Variants in KCNH5 observed in about 807,000 individuals in gnomAD.
KCNH5 encodes voltage-gated delayed rectifier potassium channel KCNH5.
Under a neutral mutation model 96.1 loss-of-function variants are expected in KCNH5, and 46 were observed. That is an observed-to-expected ratio of 0.48 (90% CI 0.38 to 0.61). KCNH5 has a LOEUF of 0.61. KCNH5 is among the 20% of genes least tolerant of loss of function. The probability of loss-of-function intolerance (pLI) is 0.00; values close to 1 mark genes in which losing one functional copy is unlikely to be tolerated. For synonymous variants in KCNH5, 439 were observed against 449.8 expected, an observed-to-expected ratio of 0.98 and a Z score of 0.30; for missense variants, 907 against 1,225.8, an observed-to-expected ratio of 0.74 and a Z score of 3.88.
intron 6 of KCNH5, among the ~76,000 whole-genome samples, chr14:62,977,430 T>C (rs776938093): frequency 1.3e-5 from 2 of 152,032 alleles, no homozygotes; most frequent in Non-Finnish European, 2.9e-5. Flanking sequence ...GGATGATATA[T>C]TGTGAGAATG....
rs566819242 is a variant in KCNH5 at position 62,840,789 on chromosome 14, C to T, written c.1569+8864G>A. Among the ~76,000 whole-genome samples, 184 of 151,552 alleles carry T rather than the reference C, an allele frequency of 1.2e-3. 2 individuals carry two copies. Among genetic ancestry groups the T allele is most frequent in the Non-Finnish European group, 1.8e-3 (121 of 67,820 alleles). On this transcript the variant is annotated intron_variant, in intron 8 of 10. Transcript: ENST00000322893. ...TTCACCATGTTGTCCAGGATGGTCT[C>T]GCTCCTGACCTCATGATCCACTCAC...
At chr14:62,911,767 T>C (rs1348825693) in intron 7 of KCNH5, among the ~76,000 whole-genome samples, 2 of 151,490 alleles carry the variant, frequency 1.3e-5, no homozygotes, top group Non-Finnish European at 2.9e-5. Context: ...CTGGGCACGG[T>C]GGCTCACACC....
At chr14:62,938,879 G>A (rs993116846) in intron 7 of KCNH5, among the ~76,000 whole-genome samples, 1 of 152,184 alleles carries the variant, frequency 6.6e-6, no homozygotes, top group Non-Finnish European at 1.5e-5. Context: ...TAACACAAAA[G>A]AGAAATTCTA....
intron 9 of KCNH5, among the ~76,000 whole-genome samples, chr14:62,789,755 T>A (rs1886393253): frequency 6.6e-6 from 1 of 151,958 alleles, no homozygotes; most frequent in African/African-American, 2.4e-5. Context: ...TCAGGTTTCT[T>A]GCTCACTTTT....
intron 10 of KCNH5, among the ~76,000 whole-genome samples, chr14:62,742,529 A>ATT (rs1885292304): frequency 6.6e-6 from 1 of 152,196 alleles, no homozygotes; most frequent in African/African-American, 2.4e-5. Context: ...TCCCAAACTA[A>ATT]TTTAAATTAG....
intron 8 of KCNH5, among the ~76,000 whole-genome samples, chr14:62,839,445 C>T (rs771109817): frequency 1.3e-5 from 2 of 152,148 alleles, no homozygotes; most frequent in Non-Finnish European, 2.9e-5. Context: ...TGCAGACTCC[C>T]CTGTGCCATC....
chr14:62,796,414 C>A (rs1210767586), intron 9 of KCNH5, among the ~76,000 whole-genome samples: 1 of 152,144 alleles, frequency 6.6e-6, no homozygotes, highest in Non-Finnish European at 1.5e-5. Flanking sequence ...TTATTCCTGT[C>A]CTCATTTATG....
chr14:63,042,778 C>A (rs888853285), intron 1 of KCNH5, among the ~76,000 whole-genome samples: 1 of 152,046 alleles, frequency 6.6e-6, no homozygotes, highest in Non-Finnish European at 1.5e-5. Flanking sequence ...AATGTGTAGA[C>A]CAATTTAATA....
At chr14:62,936,980 CAAAAAA>C (rs5809179) in intron 7 of KCNH5, among the ~76,000 whole-genome samples, 2 of 62,280 alleles carry the variant, frequency 3.2e-5, no homozygotes, top group East Asian at 5.3e-4. Context: ...GACTCCATCT[CAAAAAA>C]AAAAAAAAAA....
rs888052720 is a variant in KCNH5 at position 62,702,006 on chromosome 14, A to G, written c.*5502T>C. 1 of 152,076 alleles carries G rather than the reference A, an allele frequency of 6.6e-6. No individual in the cohort carries two copies. Among genetic ancestry groups the G allele is most frequent in the African/African-American group, 2.4e-5 (1 of 41,448 alleles). 9.4% of individuals were successfully genotyped at this position (152,076 alleles called of 1,614,324 possible). A position where few individuals can be genotyped will look rare whatever the true frequency, so the allele number is the denominator to read the frequency against. ...GTCAAAAAATAAATTTTAAAAATAAATTCTGGAGTCTCATCCAAATCCCAC... is the reference window on the plus strand; with the variant it reads ...GTCAAAAAATAAATTTTAAAAATAAGTTCTGGAGTCTCATCCAAATCCCAC... On this transcript the variant is annotated 3_prime_UTR_variant, in exon 11 of 11. Coordinates refer to ENST00000322893, the MANE Select transcript of KCNH5 (RefSeq NM_139318.5).
chr14:62,883,636 A>G (rs1888536479), intron 7 of KCNH5, among the ~76,000 whole-genome samples: 1 of 152,166 alleles, frequency 6.6e-6, no homozygotes, highest in Non-Finnish European at 1.5e-5. Flanking sequence ...AATACACAAG[A>G]ATCTATCAAT....
intron 10 of KCNH5, among the ~76,000 whole-genome samples, chr14:62,734,601 C>T (rs956788018): frequency 2.0e-5 from 3 of 152,070 alleles, no homozygotes; most frequent in African/African-American, 7.2e-5. Context: ...CATACACTAG[C>T]ATTATGCCTT....
intron 8 of KCNH5, among the ~76,000 whole-genome samples, chr14:62,813,794 TC>T (rs1407323332): frequency 6.6e-6 from 1 of 152,174 alleles, no homozygotes; most frequent in Non-Finnish European, 1.5e-5. Context: ...TTACAATCCT[TC>T]CTGGGAATGA....
chr14:62,786,304 G>A (rs1234390597), intron 9 of KCNH5, among the ~76,000 whole-genome samples: 1 of 152,194 alleles, frequency 6.6e-6, no homozygotes, highest in African/African-American at 2.4e-5. Flanking sequence ...TACTTAGGTA[G>A]TTTTGTGTGA....
In KCNH5 at chr14:62,950,119, A is replaced by T; in HGVS notation, c.1369+14T>A. 1.2e-6 allele frequency: 2 copies of T among 1,611,918 alleles called. No homozygotes were observed. The highest frequency in any genetic ancestry group is 1.7e-6 in the Non-Finnish European group (2 of 1,178,736). The stretch of plus-strand genomic sequence containing the variant: ...AATAACAATAATTTTCAATGAAAAA[A>T]TTAAAATACTTACAGCCAACCATCA... On this transcript the variant is annotated intron_variant, in intron 7 of 10. Coordinates refer to ENST00000322893, the MANE Select transcript of KCNH5 (RefSeq NM_139318.5).
chr14:63,001,161 C>T (rs10142809), intron 4 of KCNH5, among the ~76,000 whole-genome samples, 170 bp downstream of exon 4: 42,583 of 151,924 alleles, frequency 0.28, 7,032 homozygotes, highest in East Asian at 0.58. Context: ...ATAGACATGC[C>T]ATTTCTATTC....
At chr14:62,770,909 C>A (rs943227662) in intron 10 of KCNH5, among the ~76,000 whole-genome samples, 14 of 152,166 alleles carry the variant, frequency 9.2e-5, no homozygotes, top group African/African-American at 3.4e-4. Flanking sequence ...TATGGGGAAG[C>A]CTTAACCTCT....
In KCNH5 at chr14:63,045,300, G is replaced by A. The variant is rs1891904131; in HGVS notation, c.-114C>T. On this transcript the variant is annotated 5_prime_UTR_variant, in exon 1 of 11. Coordinates refer to ENST00000322893, the MANE Select transcript of KCNH5 (RefSeq NM_139318.5). The stretch of plus-strand genomic sequence containing the variant: ...AAGAGAAGATTGAGCCGAAAGAAGA[G>A]GGGGCGCGGCGGCGGCGACGGGGTC... The A allele has an allele frequency of 9.2e-6, 8 of 870,498 alleles. No individual in the cohort carries two copies. Among genetic ancestry groups the A allele is most frequent in the African/African-American group, 3.3e-5 (2 of 60,900 alleles). The allele number at this position is 870,498 out of a possible 1,614,324, so 53.9% of individuals were successfully genotyped here.
chr14:62,838,658 A>G (rs1241388882), intron 8 of KCNH5, among the ~76,000 whole-genome samples: 1 of 152,198 alleles, frequency 6.6e-6, no homozygotes, highest in Non-Finnish European at 1.5e-5. Flanking sequence ...TCTACCAGAT[A>G]CTGATATTCA....
Sources: gnomAD v4.1 joint callset for allele counts (sites outside exome capture counted in the v4.1 genomes callset) on GRCh38, gnomAD v4.1.1 for gene constraint, MANE v1.5 for transcripts, NCBI Gene and HGNC (gene_info 2026-07-23, HGNC 2026-07-21) for gene names.